TBC1D8: variants seen among roughly 807,000 people sequenced by gnomAD.
TBC1D8 encodes the protein BUB2-like protein 1.
In TBC1D8, 65 loss-of-function variants were observed where a neutral mutation model predicts 118.8. The observed-to-expected ratio is 0.55, with a 90% CI of 0.45 to 0.67. The LOEUF (loss-of-function observed/expected upper bound fraction) is 0.67. Ranked by LOEUF, TBC1D8 falls within the 30% of genes least tolerant of loss-of-function variation. The probability of loss-of-function intolerance (pLI) is 0.00; values close to 1 mark genes in which losing one functional copy is unlikely to be tolerated. For missense variants in TBC1D8, 1,376 were observed against 1,471.2 expected (o/e 0.94, Z 1.06); for synonymous variants, 566 against 595.8 (o/e 0.95, Z 0.73).
At chr2:101,096,203 C>T (rs753782719) in intron 1 of TBC1D8, among the ~76,000 whole-genome samples, 1 of 152,038 alleles carries the variant, frequency 6.6e-6, no homozygotes, top group African/African-American at 2.4e-5. Flanking sequence ...AGATCACAGG[C>T]GTGAGCCACA....
chr2:101,039,388 T>C (rs1681238127), intron 6 of TBC1D8, among the ~76,000 whole-genome samples: 1 of 152,172 alleles, frequency 6.6e-6, no homozygotes, highest in Non-Finnish European at 1.5e-5. Context: ...AGAGGCCAAG[T>C]GGGAGGATCG....
At chr2:101,028,986 T>C (rs1451240935) in intron 12 of TBC1D8, among the ~76,000 whole-genome samples, 1 of 152,210 alleles carries the variant, frequency 6.6e-6, no homozygotes, top group Non-Finnish European at 1.5e-5. Flanking sequence ...AGTTTCTCAC[T>C]GTGGAAAGGA....
At chr2:101,104,698 G>A (rs765908251) in intron 1 of TBC1D8, among the ~76,000 whole-genome samples, 4 of 152,146 alleles carry the variant, frequency 2.6e-5, no homozygotes, top group South Asian at 2.1e-4. Flanking sequence ...ATAAACCTAC[G>A]TGTAAAACAG....
chr2:101,060,121 TCCCA>T (rs1682677429), intron 2 of TBC1D8, among the ~76,000 whole-genome samples: 1 of 152,176 alleles, frequency 6.6e-6, no homozygotes, highest in Non-Finnish European at 1.5e-5. Flanking sequence ...TCTATGACCA[TCCCA>T]CCCACCCTAC....
intron 12 of TBC1D8, 79 bp from the exon 13 acceptor site, chr2:101,028,511 C>T: frequency 6.7e-7 from 1 of 1,483,862 alleles, no homozygotes; most frequent in Non-Finnish European, 8.9e-7. Flanking sequence ...CAGTGTCAGA[C>T]ATGCCAGGGC....
intron 13 of TBC1D8, 69 bp from the exon 14 acceptor site, chr2:101,028,215 C>A: frequency 6.2e-7 from 1 of 1,601,124 alleles, no homozygotes; most frequent in Non-Finnish European, 8.5e-7. Context: ...GGAAGTGGCC[C>A]AGGAACCTCC....
At chr2:101,034,877 T>C (rs1305199193) in intron 9 of TBC1D8, among the ~76,000 whole-genome samples, 4 of 152,156 alleles carry the variant, frequency 2.6e-5, no homozygotes, top group African/African-American at 9.7e-5. Flanking sequence ...GGAAGTTAGC[T>C]GCAGAAGCCA....
chr2:101,033,700 G>C lies in TBC1D8; in HGVS notation c.1662C>G (p.Ser554=). Residue 554 remains serine (S), a synonymous_variant, in exon 10 of 20, where the codon TCC becomes TCG. Transcript: ENST00000409318. ...CGGTTACCAGGCAGCATTTCCCCAG[G>C]GACTCCTCCACCAGATTCCCGTAGT... ...PGYYGNLVEE[S]LGKCCLVTEE... 1.2e-6 allele frequency: 2 copies of C among 1,613,860 alleles called. No individual in the cohort carries two copies. The highest frequency in any genetic ancestry group is 1.7e-6 in the Non-Finnish European group (2 of 1,179,876).
intron 1 of TBC1D8, among the ~76,000 whole-genome samples, chr2:101,095,308 T>A (rs955324004): frequency 2.2e-4 from 31 of 143,720 alleles, no homozygotes; most frequent in Admixed American, 7.2e-4. Flanking sequence ...TGTGCAGGTT[T>A]GTTACATATG....
chr2:101,074,680 T>G (rs1340556574), intron 2 of TBC1D8, among the ~76,000 whole-genome samples: 1 of 152,190 alleles, frequency 6.6e-6, no homozygotes, highest in Admixed American at 6.5e-5. Context: ...GTACGTATAT[T>G]AGATAAACAG....
At chr2:101,104,681 A>G (rs1032752386) in intron 1 of TBC1D8, among the ~76,000 whole-genome samples, 1 of 152,202 alleles carries the variant, frequency 6.6e-6, no homozygotes, top group African/African-American at 2.4e-5. Flanking sequence ...GTAATTCAAA[A>G]TGGCTCATAA....
In TBC1D8 at chr2:101,011,032, A is replaced by C. The variant is rs367805824; in HGVS notation, c.2918-6T>G. ...CTGATAATCAACTGCATCACCTTGA[A>C]ACAAAGGAAAACAATATGTGGTTTA... is the stretch of plus-strand genomic sequence containing the variant. On this transcript the variant is annotated splice_region_variant and splice_polypyrimidine_tract_variant and intron_variant, in intron 18 of 19. Coordinates refer to ENST00000409318, the MANE Select transcript of TBC1D8 (RefSeq NM_001330348.2). 22 of 1,608,972 alleles carry C rather than the reference A, an allele frequency of 1.4e-5. No individual in the cohort carries two copies. The highest frequency in any genetic ancestry group is 2.7e-5 in the African/African-American group (2 of 74,822).
At position 101,028,040 on chromosome 2, in the gene TBC1D8, C is replaced by G; in HGVS notation, c.2451+8G>C. 6.2e-7 allele frequency: 1 copy of G among 1,613,884 alleles called. No individual in the cohort carries two copies. Among genetic ancestry groups the G allele is most frequent in the African/African-American group, 1.3e-5 (1 of 75,052 alleles). ...CGTGATCACCGGGGTGAGGCGTCTG[C>G]TACCCACCACGTTCTGCTTTGTGGT... On this transcript the variant is annotated splice_region_variant and intron_variant, in intron 14 of 19. Transcript: ENST00000409318.
chr2:101,013,708 C>T (rs960501968), intron 17 of TBC1D8, among the ~76,000 whole-genome samples: 1 of 152,230 alleles, frequency 6.6e-6, no homozygotes, highest in Non-Finnish European at 1.5e-5. Context: ...CCATCTTCCT[C>T]ACTTTCTAAA....
intron 1 of TBC1D8, among the ~76,000 whole-genome samples, chr2:101,115,064 G>A (rs765567720): frequency 2.0e-5 from 3 of 152,204 alleles, no homozygotes; most frequent in African/African-American, 4.8e-5. Context: ...GCTCAGTCAC[G>A]TGCGGATCCC....
chr2:101,019,132 G>A lies in TBC1D8; in HGVS notation c.2827+2549C>T. 5 of 1,519,510 alleles carry A rather than the reference G, an allele frequency of 3.3e-6. No individual in the cohort carries two copies. In the South Asian group the frequency reaches 3.6e-5, roughly 11 times the overall value. 94.1% of individuals were successfully genotyped at this position (1,519,510 alleles called of 1,614,324 possible). ...ATGCCTTTACAACCAAGCTCACCGA[G>A]GACGTCTGTCTCCCATATTACCCTG... On this transcript the variant is annotated intron_variant, in intron 17 of 19. Coordinates refer to ENST00000409318, the MANE Select transcript of TBC1D8 (RefSeq NM_001330348.2).
Position 101,036,178 on chromosome 2 carries a change from G to A in TBC1D8, c.1453-10C>T. 6.2e-7 allele frequency: 1 copy of A among 1,611,818 alleles called. No individual in the cohort carries two copies. Among genetic ancestry groups the A allele is most frequent in the East Asian group, 2.2e-5 (1 of 44,788 alleles). On this transcript the variant is annotated splice_polypyrimidine_tract_variant and intron_variant, in intron 8 of 19. Transcript: ENST00000409318. ...TTATCTGTTCTCTGGACTGGAAATGGGAATATTCTTAATGTACAAAGAAGT... is the reference window on the plus strand; with the variant it reads ...TTATCTGTTCTCTGGACTGGAAATGAGAATATTCTTAATGTACAAAGAAGT...
Position 101,033,583 on chromosome 2 carries a change from C to G in TBC1D8, c.1779G>C (p.Thr593=). ...TGIAALRRVL[T]AYAHRNPKIG... ...TCTTGGGGTTCCGGTGGGCATAGGCCGTCAAGACTCTCCTCAAAGCAGCAA... is the reference window on the plus strand; with the variant it reads ...TCTTGGGGTTCCGGTGGGCATAGGCGGTCAAGACTCTCCTCAAAGCAGCAA... Residue 593 remains threonine (T), a synonymous_variant, in exon 10 of 20, where the codon ACG becomes ACC. Coordinates refer to ENST00000409318, the MANE Select transcript of TBC1D8 (RefSeq NM_001330348.2). 6.2e-7 allele frequency: 1 copy of G among 1,613,800 alleles called. No individual in the cohort carries two copies. Among genetic ancestry groups the G allele is most frequent in the Non-Finnish European group, 8.5e-7 (1 of 1,179,878 alleles).
rs1229473325 is a variant in TBC1D8 at position 101,028,367 on chromosome 2, A to T, written c.2288T>A (p.Phe763Tyr). 6.2e-7 allele frequency: 1 copy of T among 1,611,230 alleles called. No individual in the cohort carries two copies. The highest frequency in any genetic ancestry group is 8.5e-7 in the Non-Finnish European group (1 of 1,178,684). The change falls in exon 13 of 20, where the codon TTC becomes TAC. Residue 763 changes from phenylalanine (F) to tyrosine (Y), a missense_variant. Physicochemically the swap from Phe to Tyr is conservative, Grantham distance 22 (BLOSUM62 3). Coordinates refer to ENST00000409318, the MANE Select transcript of TBC1D8 (RefSeq NM_001330348.2). ...GPPVGSHHAFFSDDQEPYPVT... is the reference protein window; with the variant it reads ...GPPVGSHHAFYSDDQEPYPVT... ...AGGGTAGGGCTCCTGGTCGTCGGAG[A>T]AAAAGGCATGGTGGCTGCCAACTGG...
Sources: allele counts gnomAD v4.1 joint callset (sites outside exome capture counted in the v4.1 genomes callset), GRCh38; gene constraint gnomAD v4.1.1; transcripts MANE v1.5; gene names NCBI Gene and HGNC (gene_info 2026-07-23, HGNC 2026-07-21).